PARD3B: variants seen among roughly 807,000 people sequenced by gnomAD.
The protein encoded by PARD3B is par-3 family cell polarity regulator beta.
Under a neutral mutation model 130.2 loss-of-function variants are expected in PARD3B, and 103 were observed. That is an observed-to-expected ratio of 0.79 (90% confidence interval 0.67 to 0.93). PARD3B has a LOEUF of 0.93. Among genes scored for constraint, PARD3B ranks in the 40% least tolerant of loss-of-function variants. PARD3B has a pLI of 0.00. For synonymous variants in PARD3B, 583 were observed against 553.2 expected, an observed-to-expected ratio of 1.05 and a Z score of -0.76; for missense variants, 1,609 against 1,499.2, an observed-to-expected ratio of 1.07 and a Z score of -1.21.
At chr2:204,676,722 T>G (rs892397698) in intron 1 of PARD3B, among the ~76,000 whole-genome samples, 11 of 143,284 alleles carry the variant, frequency 7.7e-5, no homozygotes, top group Non-Finnish European at 1.6e-4. Flanking sequence ...CAGGCTGGAG[T>G]GCAGTGGTGC....
In PARD3B at chr2:205,069,990, C is replaced by T. The variant is rs147788107; in HGVS notation, c.504+22300C>T. On this transcript the variant is annotated intron_variant, in intron 4 of 22. Transcript: ENST00000406610. ...GTGGCCTATGTCCTGTGATACCCCACCCTTGGCATGTTTAGCAGAACACCC... is the reference window on the plus strand; with the variant it reads ...GTGGCCTATGTCCTGTGATACCCCATCCTTGGCATGTTTAGCAGAACACCC... Among the ~76,000 whole-genome samples the T allele has an allele frequency of 2.9e-3, 445 of 152,248 alleles. 1 individual carries two copies. The highest frequency in any genetic ancestry group is 5.3e-3 in the Non-Finnish European group (360 of 68,010).
chr2:205,156,599 C>T (rs953314342), intron 10 of PARD3B, among the ~76,000 whole-genome samples: 1 of 151,684 alleles, frequency 6.6e-6, no homozygotes, highest in Non-Finnish European at 1.5e-5. Context: ...CCCCACAAAG[C>T]TTCCACATTC....
chr2:204,642,921 G>A (rs2035130759), intron 1 of PARD3B, among the ~76,000 whole-genome samples: 1 of 151,200 alleles, frequency 6.6e-6, no homozygotes, highest in Non-Finnish European at 1.5e-5. Context: ...AGACCACCCT[G>A]GCTAACACAG....
Position 205,011,064 on chromosome 2 carries a change from C to T in PARD3B, c.395-36517C>T, listed in dbSNP as rs1248471241. 6.6e-6 allele frequency among the ~76,000 whole-genome samples: 1 copy of T among 152,082 alleles called. No individual in the cohort carries two copies. Among genetic ancestry groups the T allele is most frequent in the Non-Finnish European group, 1.5e-5 (1 of 68,026 alleles). On this transcript the variant is annotated intron_variant, in intron 3 of 22. Transcript: ENST00000406610. The surrounding 1 kb of genome is among the most constrained non-coding windows in gnomAD (Gnocchi z 4.1). Reference sequence around the variant, plus strand: ...TGGGGTTTAGTGGTGGAAGGTATCCCCTAAGCTGGTAGCACCATTAGGCTA... The same window carrying T: ...TGGGGTTTAGTGGTGGAAGGTATCCTCTAAGCTGGTAGCACCATTAGGCTA...
At chr2:204,667,558 T>G (rs1390344212) in intron 1 of PARD3B, among the ~76,000 whole-genome samples, 1 of 152,160 alleles carries the variant, frequency 6.6e-6, no homozygotes, top group Non-Finnish European at 1.5e-5. Context: ...AATACTGAAC[T>G]TGACTCACAT....
intron 2 of PARD3B, among the ~76,000 whole-genome samples, chr2:204,873,327 G>A (rs1328828014): frequency 6.6e-6 from 1 of 152,158 alleles, no homozygotes; most frequent in Admixed American, 6.5e-5. Flanking sequence ...GGCGAAAGCT[G>A]TTTTTCCTAT....
chr2:205,583,521 A>G (rs1477996359), intron 22 of PARD3B, among the ~76,000 whole-genome samples: 2 of 152,190 alleles, frequency 1.3e-5, no homozygotes, highest in African/African-American at 2.4e-5. Flanking sequence ...GCTGATAGTC[A>G]TTGACTGCTC....
intron 16 of PARD3B, among the ~76,000 whole-genome samples, chr2:205,264,574 A>G (rs2040433877): frequency 1.3e-5 from 2 of 151,182 alleles, no homozygotes; most frequent in African/African-American, 4.9e-5. Flanking sequence ...GTGAGACATG[A>G]GAACATAGAA....
intron 2 of PARD3B, among the ~76,000 whole-genome samples, chr2:204,893,448 G>GT (rs201511478): frequency 2.5e-3 from 371 of 150,792 alleles, no homozygotes; most frequent in Non-Finnish European, 3.7e-3. Context: ...TAAATAAATG[G>GT]TTTTTTTTTG....
chr2:204,815,009 A>T (rs1033914442), intron 2 of PARD3B, among the ~76,000 whole-genome samples: 1 of 151,772 alleles, frequency 6.6e-6, no homozygotes, highest in African/African-American at 2.4e-5. Flanking sequence ...ATCTATTCTC[A>T]TAATTTTCTG....
chr2:204,619,069 G>C (rs916209676), intron 1 of PARD3B, among the ~76,000 whole-genome samples: 7 of 152,058 alleles, frequency 4.6e-5, no homozygotes, highest in Non-Finnish European at 1.0e-4. Flanking sequence ...TTTTCTGTCT[G>C]ACTGTGCTCT....
rs189377207 is a variant in PARD3B at position 205,007,117 on chromosome 2, G to T, written c.395-40464G>T. On this transcript the variant is annotated intron_variant, in intron 3 of 22. Transcript: ENST00000406610. ...TTCTCATGATAGTGAGTGAGTTCTTGTGAAATCTGATGGTTTTATAAGCAT... is the reference window on the plus strand; with the variant it reads ...TTCTCATGATAGTGAGTGAGTTCTTTTGAAATCTGATGGTTTTATAAGCAT... 8.5e-5 allele frequency among the ~76,000 whole-genome samples: 13 copies of T among 152,180 alleles called. 1 individual carries two copies. Among genetic ancestry groups the T allele is most frequent in the African/African-American group, 2.6e-4 (11 of 41,546 alleles).
At chr2:204,721,945 T>C (rs2125321607) in intron 2 of PARD3B, among the ~76,000 whole-genome samples, 1 of 152,256 alleles carries the variant, frequency 6.6e-6, no homozygotes, top group African/African-American at 2.4e-5. Context: ...AGAGGCACTT[T>C]GTAAACTGTA....
At chr2:205,068,476 A>G (rs1700525178) in intron 4 of PARD3B, among the ~76,000 whole-genome samples, 2 of 152,102 alleles carry the variant, frequency 1.3e-5, no homozygotes, top group African/African-American at 4.8e-5. Flanking sequence ...CTTTTGATTT[A>G]GTTAATACCC....
intron 1 of PARD3B, among the ~76,000 whole-genome samples, chr2:204,657,534 T>A (rs962729154): frequency 2.0e-5 from 3 of 152,106 alleles, no homozygotes; most frequent in African/African-American, 4.8e-5. Flanking sequence ...TTGATTCATA[T>A]CTTAATTCCT....
intron 18 of PARD3B, among the ~76,000 whole-genome samples, chr2:205,311,621 T>G (rs530379607): frequency 2.6e-4 from 39 of 152,346 alleles, no homozygotes; most frequent in African/African-American, 8.9e-4. Flanking sequence ...AACTGCTGTT[T>G]TGTAATGTAG....
At chr2:204,571,118 A>T (rs2125068164) in intron 1 of PARD3B, among the ~76,000 whole-genome samples, 1 of 152,290 alleles carries the variant, frequency 6.6e-6, no homozygotes, top group South Asian at 2.1e-4. Context: ...TACTTCAGGC[A>T]ATATTTAGAG....
intron 18 of PARD3B, among the ~76,000 whole-genome samples, chr2:205,318,853 CT>C (rs1252413816): frequency 1.3e-5 from 2 of 152,176 alleles, no homozygotes; most frequent in African/African-American, 4.8e-5. Context: ...TCAGGCCACA[CT>C]TTATGGAGAA....
At chr2:204,546,707 T>C (rs2029965675) in intron 1 of PARD3B, among the ~76,000 whole-genome samples, 1 of 152,198 alleles carries the variant, frequency 6.6e-6, no homozygotes, top group Non-Finnish European at 1.5e-5. Context: ...GTCTACATTT[T>C]GAGTGTTTTC....
Sources: gnomAD v4.1 joint callset for allele counts (sites outside exome capture counted in the v4.1 genomes callset) on GRCh38, gnomAD v4.1.1 for gene constraint, Gnocchi (gnomAD v3.1) non-coding constraint, MANE v1.5 for transcripts, NCBI Gene and HGNC (gene_info 2026-07-23, HGNC 2026-07-21) for gene names.